The following LARP1B variants were observed in gnomAD, a reference collection of about 807,000 sequenced individuals.
LARP1B encodes la-related protein 1B.
A neutral mutation model predicts 114.2 loss-of-function variants in LARP1B; 76 were observed. The observed-to-expected ratio is 0.67, with a 90% CI of 0.55 to 0.81. The LOEUF (loss-of-function observed/expected upper bound fraction) is 0.81, where lower values mean the gene tolerates loss of function less well. LARP1B is among the 30% of genes least tolerant of loss of function. The pLI is 0.00. For synonymous variants in LARP1B, 345 were observed against 348.0 expected, an observed-to-expected ratio of 0.99 and a Z score of 0.10; for missense variants, 1,014 against 1,075.8, an observed-to-expected ratio of 0.94 and a Z score of 0.80.
upstream of LARP1B, among the ~76,000 whole-genome samples, chr4:128,060,942 G>A (rs561147569): frequency 3.9e-5 from 6 of 152,272 alleles, no homozygotes; most frequent in East Asian, 1.2e-3. Flanking sequence ...AGGGCAAATC[G>A]AGCGCTCGGT....
chr4:128,124,874 G>A (rs907612780), intron 11 of LARP1B, among the ~76,000 whole-genome samples: 3 of 152,148 alleles, frequency 2.0e-5, no homozygotes. Flanking sequence ...ATAATCAGGT[G>A]TGTCAGCAAC....
At chr4:128,135,129 A>C (rs931917993) in intron 11 of LARP1B, among the ~76,000 whole-genome samples, 1 of 150,880 alleles carries the variant, frequency 6.6e-6, no homozygotes, top group African/African-American at 2.4e-5. Flanking sequence ...AAATAAATAA[A>C]TAAATAAATA....
intron 5 of LARP1B, among the ~76,000 whole-genome samples, chr4:128,082,804 CTTTT>C (rs33973592): frequency 2.4e-4 from 34 of 141,316 alleles, no homozygotes; most frequent in Non-Finnish European, 3.2e-4. Context: ...TCATTTTCTT[CTTTT>C]TTTTTTTTTT....
chr4:128,152,505 A>T (rs889830519), intron 11 of LARP1B, among the ~76,000 whole-genome samples: 1 of 151,782 alleles, frequency 6.6e-6, no homozygotes, highest in Non-Finnish European at 1.5e-5. Flanking sequence ...CCCGGCCAAC[A>T]TGGTGATTTT....
intron 9 of LARP1B, among the ~76,000 whole-genome samples, chr4:128,110,343 T>A (rs918391808): frequency 2.0e-5 from 3 of 152,036 alleles, no homozygotes; most frequent in African/African-American, 7.2e-5. Flanking sequence ...TAAACTCATT[T>A]TGTCTTGGAA....
intron 8 of LARP1B, among the ~76,000 whole-genome samples, chr4:128,098,769 T>TATATATATATATATG (rs1561201033): frequency 1.4e-4 from 2 of 14,430 alleles, no homozygotes; most frequent in African/African-American, 5.4e-4. Flanking sequence ...ATATATATAT[T>TATATATATATATATG]TTTTTTTTTT....
intron 10 of LARP1B, among the ~76,000 whole-genome samples, chr4:128,119,091 G>A (rs1242917664): frequency 1.3e-5 from 2 of 151,874 alleles, no homozygotes; most frequent in Admixed American, 1.3e-4. Flanking sequence ...CACCATGTTG[G>A]CCAGGCTGGT....
intron 1 of LARP1B, among the ~76,000 whole-genome samples, chr4:128,071,258 G>A (rs1168127360): frequency 1.3e-5 from 2 of 151,914 alleles, no homozygotes; most frequent in Non-Finnish European, 2.9e-5. Flanking sequence ...GTGTTAGCCA[G>A]GATGGTCTCG....
At position 128,205,759 on chromosome 4, in the gene LARP1B, A is replaced by G. The variant is rs190218933; in HGVS notation, c.2310-669A>G. On this transcript the variant is annotated intron_variant, in intron 17 of 19. Coordinates refer to ENST00000326639, the MANE Select transcript of LARP1B (RefSeq NM_018078.4). Reference sequence around the variant, plus strand: ...ATTTAATGCTGTGTACAAAGATACCATTATAAATTTTGGTTTGGGGAAAAT... The same window carrying G: ...ATTTAATGCTGTGTACAAAGATACCGTTATAAATTTTGGTTTGGGGAAAAT... Among the ~76,000 whole-genome samples the G allele has an allele frequency of 2.0e-5, 3 of 152,302 alleles. No individual in the cohort carries two copies. In the East Asian group the frequency reaches 5.8e-4, roughly 29 times the overall value.
intron 6 of LARP1B, among the ~76,000 whole-genome samples, chr4:128,217,127 G>T (rs1273904548): frequency 6.8e-6 from 1 of 147,384 alleles, no homozygotes; most frequent in Admixed American, 6.9e-5. Flanking sequence ...CCAATAACAG[G>T]CTCTGAAATT....
At chr4:128,191,983 T>C (rs1181900351) in intron 15 of LARP1B, among the ~76,000 whole-genome samples, 1 of 152,104 alleles carries the variant, frequency 6.6e-6, no homozygotes, top group Non-Finnish European at 1.5e-5. Context: ...TGCTTGGAGT[T>C]TTTCAGTTCT....
chr4:128,083,566 C>T (rs1292046475), intron 5 of LARP1B, among the ~76,000 whole-genome samples: 4 of 139,500 alleles, frequency 2.9e-5, no homozygotes, highest in African/African-American at 5.5e-5. Context: ...GGCTGGCGGG[C>T]AGGGGGCTGA....
chr4:128,221,338 G>T (rs568527805), intron 7 of LARP1B, among the ~76,000 whole-genome samples: 2 of 152,306 alleles, frequency 1.3e-5, no homozygotes, highest in East Asian at 1.9e-4. Flanking sequence ...GACAACTGAA[G>T]ATTCTGAACT....
chr4:128,089,636 A>G (rs1482561287), intron 5 of LARP1B, among the ~76,000 whole-genome samples: 1 of 151,772 alleles, frequency 6.6e-6, no homozygotes, highest in Non-Finnish European at 1.5e-5. Flanking sequence ...GCACCCGGCT[A>G]ATGTTCTACC....
intron 19 of LARP1B, among the ~76,000 whole-genome samples, chr4:128,209,033 C>T (rs938206506): frequency 6.6e-6 from 1 of 152,156 alleles, no homozygotes; most frequent in Non-Finnish European, 1.5e-5. Context: ...CAAATAGCCT[C>T]GCTGAAACAT....
At chr4:128,099,828 T>C (rs10857128) in intron 8 of LARP1B, among the ~76,000 whole-genome samples, 91,561 of 151,924 alleles carry the variant, frequency 0.6, 28,486 homozygotes, top group Middle Eastern at 0.8. Flanking sequence ...GCCAACCTAT[T>C]GTCCAAAGTG....
In LARP1B at chr4:128,155,675, C is replaced by T. The variant is rs184723592; in HGVS notation, c.1525-6519C>T. ...CCGCCTCCAGTGGTGTGTCCAAGGC[C>T]TTGTGAACAGATCAGCCCGGAGGAA... On this transcript the variant is annotated intron_variant, in intron 11 of 19. Coordinates refer to ENST00000326639, the MANE Select transcript of LARP1B (RefSeq NM_018078.4). 6.0e-4 allele frequency: 966 copies of T among 1,601,296 alleles called. 8 individuals carry two copies. In the East Asian group the frequency reaches 0.018, roughly 30 times the overall value.
intron 11 of LARP1B, chr4:128,156,131 A>T: frequency 1.9e-6 from 3 of 1,611,062 alleles, no homozygotes. Flanking sequence ...GCCTCAGCTC[A>T]TCACAAGAGT....
intron 7 of LARP1B, among the ~76,000 whole-genome samples, chr4:128,097,728 A>G (rs1030702746): frequency 6.6e-6 from 1 of 152,220 alleles, no homozygotes; most frequent in Non-Finnish European, 1.5e-5. Flanking sequence ...TGAATTTGAC[A>G]AAGGATATTT....
Sources: gnomAD v4.1 joint callset for allele counts (sites outside exome capture counted in the v4.1 genomes callset) on GRCh38, gnomAD v4.1.1 for gene constraint, MANE v1.5 for transcripts, NCBI Gene and HGNC (gene_info 2026-07-23, HGNC 2026-07-21) for gene names.